The following SNTG1 variants were observed in gnomAD, a reference collection of about 807,000 sequenced individuals.
The protein encoded by SNTG1 is gamma-1-syntrophin.
SNTG1 carries 39 observed loss-of-function variants against 74.7 expected under a neutral mutation model. The ratio of observed to expected loss-of-function variants is 0.52; its 90% confidence interval spans 0.40 to 0.68. The LOEUF (loss-of-function observed/expected upper bound fraction) is 0.68, where lower values mean the gene tolerates loss of function less well. SNTG1 is among the 30% of genes least tolerant of loss of function. SNTG1 has a pLI of 0.00. For synonymous variants in SNTG1, 254 were observed against 217.1 expected (o/e 1.17, Z -1.49); for missense variants, 685 against 609.5 (o/e 1.12, Z -1.30).
At chr8:50,138,608 A>G (rs28553511) in intron 1 of SNTG1, among the ~76,000 whole-genome samples, 3,753 of 149,362 alleles carry the variant, frequency 0.025, 174 homozygotes, top group African/African-American at 0.086. Context: ...CTGGGCAACA[A>G]GAGTGAAACT....
intron 1 of SNTG1, among the ~76,000 whole-genome samples, chr8:50,101,964 GAT>G (rs1321339047): frequency 6.6e-6 from 1 of 151,942 alleles, no homozygotes; most frequent in African/African-American, 2.4e-5. Context: ...ATCATTGTTG[GAT>G]ATTTGGGTTG....
At chr8:50,200,666 T>C (rs943237256) in intron 2 of SNTG1, among the ~76,000 whole-genome samples, 1 of 152,086 alleles carries the variant, frequency 6.6e-6, no homozygotes, top group Non-Finnish European at 1.5e-5. Context: ...ATTGGAAGCA[T>C]TTGAGCAAGG....
At chr8:50,457,052 C>CCGTAT (rs1378851930) in intron 8 of SNTG1, 1 of 152,172 alleles carries the variant, frequency 6.6e-6, no homozygotes, top group Non-Finnish European at 1.5e-5. Context: ...GGAGAAGAAA[C>CCGTAT]CGTATGACAA....
intron 2 of SNTG1, among the ~76,000 whole-genome samples, chr8:50,237,877 G>T (rs1004525345): frequency 6.6e-6 from 1 of 152,070 alleles, no homozygotes; most frequent in African/African-American, 2.4e-5. Context: ...TATAAAAAAA[G>T]ATATTTAGAT....
chr8:50,791,309 G>T (rs2095690070), intron 18 of SNTG1, among the ~76,000 whole-genome samples: 1 of 151,772 alleles, frequency 6.6e-6, no homozygotes, highest in African/African-American at 2.4e-5. Flanking sequence ...TTTTTTGGTG[G>T]AAATATCTAA....
intron 13 of SNTG1, among the ~76,000 whole-genome samples, chr8:50,614,230 C>T (rs1156687751): frequency 6.6e-6 from 1 of 151,916 alleles, no homozygotes; most frequent in Non-Finnish European, 1.5e-5. Flanking sequence ...TTTTTTGTGG[C>T]ATTGTGATTC....
At chr8:50,028,988 T>C (rs1252694803) in intron 1 of SNTG1, among the ~76,000 whole-genome samples, 1 of 152,154 alleles carries the variant, frequency 6.6e-6, no homozygotes, top group South Asian at 2.1e-4. Context: ...TTTTTAATGT[T>C]GAGTTTTAAT....
intron 8 of SNTG1, among the ~76,000 whole-genome samples, chr8:50,496,706 A>G (rs1041931178): frequency 2.6e-5 from 4 of 152,116 alleles, no homozygotes; most frequent in African/African-American, 9.7e-5. Context: ...TTCTATTCTT[A>G]TTGATTGTCA....
chr8:50,722,219 G>A (rs1351069079), intron 17 of SNTG1, among the ~76,000 whole-genome samples: 1 of 149,388 alleles, frequency 6.7e-6, no homozygotes, highest in African/African-American at 2.5e-5. Flanking sequence ...CTGTCACCCA[G>A]GCTGGAGTGC....
At chr8:50,512,581 A>G (rs898167504) in intron 9 of SNTG1, among the ~76,000 whole-genome samples, 3 of 152,160 alleles carry the variant, frequency 2.0e-5, no homozygotes, top group African/African-American at 7.2e-5. Flanking sequence ...GTCTTTTCAC[A>G]TAGTCCTATA....
chr8:50,425,185 G>T (rs7839067), intron 4 of SNTG1, among the ~76,000 whole-genome samples: 119,229 of 151,908 alleles, frequency 0.78, 47,534 homozygotes, highest in Non-Finnish European at 0.86. Context: ...TTTTTTTTGT[G>T]GTTAATACAA....
chr8:50,734,723 A>G (rs1287979014), intron 17 of SNTG1, among the ~76,000 whole-genome samples: 1 of 143,134 alleles, frequency 7.0e-6, no homozygotes, highest in Non-Finnish European at 1.5e-5. Context: ...TATGGACATT[A>G]TATATCTATA....
chr8:50,758,275 C>G (rs1320294090), intron 18 of SNTG1, among the ~76,000 whole-genome samples: 1 of 151,814 alleles, frequency 6.6e-6, no homozygotes, highest in African/African-American at 2.4e-5. Flanking sequence ...TCTCTGTAAA[C>G]TGTGATGTCT....
intron 1 of SNTG1, among the ~76,000 whole-genome samples, chr8:50,046,216 A>G (rs953220299): frequency 6.6e-6 from 1 of 152,194 alleles, no homozygotes; most frequent in African/African-American, 2.4e-5. Flanking sequence ...GGCCATAAGT[A>G]ATAGGTGACA....
At chr8:49,953,009 A>C (rs536660803) in intron 1 of SNTG1, among the ~76,000 whole-genome samples, 2 of 152,360 alleles carry the variant, frequency 1.3e-5, no homozygotes, top group South Asian at 4.1e-4. Flanking sequence ...GATGCAAATC[A>C]ATAGGTAGAT....
intron 2 of SNTG1, chr8:50,380,866 A>T (rs1216970510): frequency 6.6e-6 from 1 of 152,210 alleles, no homozygotes; most frequent in Non-Finnish European, 1.5e-5. Context: ...AATAGGCAAG[A>T]TCTCTAGACA....
chr8:50,713,830 C>T lies in SNTG1; in HGVS notation c.1284+4852C>T, dbSNP rs541027066. Among the ~76,000 whole-genome samples, 498 of 151,968 alleles carry T rather than the reference C, an allele frequency of 3.3e-3. 3 individuals carry two copies. Among genetic ancestry groups the T allele is most frequent in the African/African-American group, 0.011 (443 of 41,444 alleles). On this transcript the variant is annotated intron_variant, in intron 17 of 18. Transcript: ENST00000642720. ...ATTCCAGCACTTTGGAAGGCCAGGG[C>T]GGGCGGAACATGAGGTCAAGAGTTT...
Position 49,923,112 on chromosome 8 carries a change from A to G in SNTG1, c.-103+10881A>G, listed in dbSNP as rs532391990. 9.2e-5 allele frequency among the ~76,000 whole-genome samples: 14 copies of G among 152,240 alleles called. No individual in the cohort carries two copies. In the South Asian group the frequency reaches 2.9e-3, roughly 32 times the overall value. ...TATGCATATTACTACATACCATTCTACCGAATAACTCAAAGATATCCCACC... is the reference window on the plus strand; with the variant it reads ...TATGCATATTACTACATACCATTCTGCCGAATAACTCAAAGATATCCCACC... On this transcript the variant is annotated intron_variant, in intron 1 of 18. Transcript: ENST00000642720.
intron 2 of SNTG1, among the ~76,000 whole-genome samples, chr8:50,271,390 TA>T (rs2087771949): frequency 6.6e-6 from 1 of 152,206 alleles, no homozygotes. Flanking sequence ...AAGGTGTTTT[TA>T]TTCACTTCTT....
Sources: gnomAD v4.1 joint callset for allele counts (sites outside exome capture counted in the v4.1 genomes callset) on GRCh38, gnomAD v4.1.1 for gene constraint, MANE v1.5 for transcripts, NCBI Gene and HGNC (gene_info 2026-07-23, HGNC 2026-07-21) for gene names.